The following AHRR variants were observed in gnomAD, a reference collection of about 807,000 sequenced individuals.
AHRR encodes the protein aryl hydrocarbon receptor repressor.
In AHRR, 28 loss-of-function variants were observed where a neutral mutation model predicts 44.0. That is an observed-to-expected ratio of 0.64 (90% CI 0.47 to 0.87). The LOEUF is 0.87. Among genes scored for constraint, AHRR ranks in the 40% least tolerant of loss-of-function variants. AHRR has a pLI of 0.00. For synonymous variants in AHRR, 434 were observed against 407.0 expected (o/e 1.07, Z -0.80); for missense variants, 990 against 953.9 (o/e 1.04, Z -0.50).
At chr5:390,399 G>A (rs1292132032) in intron 4 of AHRR, among the ~76,000 whole-genome samples, 1 of 152,200 alleles carries the variant, frequency 6.6e-6, no homozygotes, top group African/African-American at 2.4e-5. Flanking sequence ...GATCCTCGGA[G>A]ACCAGTGAAA....
chr5:361,767 G>A (rs1198932289), intron 3 of AHRR, among the ~76,000 whole-genome samples: 1 of 152,212 alleles, frequency 6.6e-6, no homozygotes, highest in Non-Finnish European at 1.5e-5. Context: ...AGAAGGACGT[G>A]GCTTGTCTGG....
Position 427,517 on chromosome 5 carries a change from C to T in AHRR, c.709-290C>T, listed in dbSNP as rs538817872. ...TTCGTGCCACCTGCGCATGGGGTGG[C>T]ACACATGAACAGGCACACACGCGGG... On this transcript the variant is annotated intron_variant, in intron 7 of 10. Transcript: ENST00000684583. 11 of 1,235,908 alleles carry T rather than the reference C, an allele frequency of 8.9e-6. No homozygotes were observed. In the African/African-American group the frequency reaches 1.5e-4, roughly 17 times the overall value. 76.6% of individuals were successfully genotyped at this position (1,235,908 alleles called of 1,614,324 possible).
chr5:374,809 G>T (rs1438651495), intron 3 of AHRR, among the ~76,000 whole-genome samples: 2 of 152,240 alleles, frequency 1.3e-5, no homozygotes. Context: ...TGAATCAATG[G>T]CTCCCAGTAT....
At chr5:423,587 A>G (rs1393671463) in intron 6 of AHRR, among the ~76,000 whole-genome samples, 1 of 152,258 alleles carries the variant, frequency 6.6e-6, no homozygotes, top group African/African-American at 2.4e-5. Flanking sequence ...CCTTCTGTAA[A>G]GCTAAAAACA....
chr5:397,633 G>A (rs1734791577), intron 4 of AHRR, among the ~76,000 whole-genome samples: 1 of 77,838 alleles, frequency 1.3e-5, no homozygotes, highest in East Asian at 4.4e-4. Context: ...GTTAGCCCCT[G>A]ACCATCCACA....
intron 4 of AHRR, among the ~76,000 whole-genome samples, chr5:401,653 C>T (rs753255685): frequency 3.3e-5 from 5 of 152,224 alleles, no homozygotes; most frequent in South Asian, 2.1e-4. Flanking sequence ...CTGGCACCAT[C>T]GTTCCACAGG....
chr5:428,005 A>G lies in AHRR; in HGVS notation c.907A>G (p.Lys303Glu), dbSNP rs757356238. Reference protein sequence around the residue: ...RADTAATADAKVKATTSLCES... With the variant: ...RADTAATADAEVKATTSLCES... The stretch of plus-strand genomic sequence containing the variant: ...AGACACCGCAGCCACCGCGGATGCA[A>G]AGTGAGTAAGACTCGCCCTTCACAG... Residue 303 changes from lysine (K) to glutamate (E), a missense_variant and splice_region_variant, in exon 8 of 11, where the codon AAA becomes GAA. Physicochemically the swap from Lys to Glu is moderately conservative, Grantham distance 56. Transcript: ENST00000684583. 3.7e-6 allele frequency: 6 copies of G among 1,613,606 alleles called. No individual in the cohort carries two copies. The South Asian group carries it at 4.4e-5, about 12-fold the overall frequency.
Position 340,664 on chromosome 5 carries a change from T to TTATATATA in AHRR, c.-10-3211_-10-3204dup, listed in dbSNP as rs201426173. Among the ~76,000 whole-genome samples, 16 of 31,958 alleles carry TTATATATA rather than the reference T, an allele frequency of 5.0e-4. 2 individuals carry two copies. Among genetic ancestry groups the TTATATATA allele is most frequent in the African/African-American group, 1.5e-3 (7 of 4,528 alleles). The allele number at this position is 31,958 out of a possible 152,430, so 21.0% of individuals were successfully genotyped here. ...GGACGCAATTATGTTCACAGCAATA[T>TTATATATA]TATATATATATATATATATATATAT... On this transcript the variant is annotated intron_variant, in intron 1 of 10. Coordinates refer to ENST00000684583, the MANE Select transcript of AHRR (RefSeq NM_001377236.1).
chr5:397,317 T>C (rs1186804662), intron 4 of AHRR, among the ~76,000 whole-genome samples: 1 of 123,772 alleles, frequency 8.1e-6, no homozygotes, highest in African/African-American at 2.9e-5. Flanking sequence ...CCATCCCTGT[T>C]AGCCCCTGAC....
At chr5:421,131 A>C (rs1290512498) in intron 5 of AHRR, 1 of 559,676 alleles carries the variant, frequency 1.8e-6, no homozygotes, top group African/African-American at 2.0e-5. Flanking sequence ...TTCGCGCCTT[A>C]ACTGGAAGAG....
rs147162429 is a variant in AHRR at position 398,368 on chromosome 5, C to T, written c.352-14976C>T. On this transcript the variant is annotated intron_variant, in intron 4 of 10. Transcript: ENST00000684583. ...CCGTACACCTTAGCCCCTGATTGTC[C>T]GCATTAGCCCCGACTGTCTGGTTAG... is the stretch of plus-strand genomic sequence containing the variant. Among the ~76,000 whole-genome samples the T allele has an allele frequency of 2.1e-3, 323 of 152,086 alleles. 1 individual carries two copies. Among genetic ancestry groups the T allele is most frequent in the African/African-American group, 7.5e-3 (309 of 41,466 alleles).
chr5:424,994 C>T (rs758994150), intron 7 of AHRR, among the ~76,000 whole-genome samples: 1 of 152,214 alleles, frequency 6.6e-6, no homozygotes, highest in South Asian at 2.1e-4. Flanking sequence ...CCAGTGGTGG[C>T]CCTTGCTGTC....
At chr5:376,551 A>ACTG (rs1733684393) in intron 3 of AHRR, 59 bp from the exon 4 acceptor site, 23 of 1,403,552 alleles carry the variant, frequency 1.6e-5, no homozygotes, top group Non-Finnish European at 1.6e-5. Context: ...GATGTGAATG[A>ACTG]AGAAGAGTGG....
chr5:427,913 C>T lies in AHRR; in HGVS notation c.815C>T (p.Pro272Leu). 1 of 1,614,128 alleles carries T rather than the reference C, an allele frequency of 6.2e-7. No individual in the cohort carries two copies. Among genetic ancestry groups the T allele is most frequent in the Non-Finnish European group, 8.5e-7 (1 of 1,180,036 alleles). The change falls in exon 8 of 11, where the codon CCC (proline) becomes CTC (leucine). Residue 272 changes from proline to leucine, a missense_variant. By Grantham distance (98) the Pro-to-Leu change is moderately conservative (BLOSUM62 -3). Transcript: ENST00000684583. ...PRLSLFCIAA[P>L]VLLPSAAEMK... ...CTGTCGCTGTTCTGCATTGCGGCAC[C>T]CGTTCTCCTCCCCTCCGCAGCGGAG...
chr5:351,530 C>T (rs1742857923), intron 2 of AHRR, among the ~76,000 whole-genome samples: 1 of 152,174 alleles, frequency 6.6e-6, no homozygotes, highest in African/African-American at 2.4e-5. Flanking sequence ...TCCATTTCTA[C>T]CACATGCCTT....
rs1024207449 is a variant in AHRR, at chr5:360,426, T to C, written c.244+6515T>C. 3.9e-5 allele frequency among the ~76,000 whole-genome samples: 6 copies of C among 152,326 alleles called. No homozygotes were observed. In the East Asian group the frequency reaches 1.2e-3, roughly 29 times the overall value. On this transcript the variant is annotated intron_variant, in intron 3 of 10. Transcript: ENST00000684583. ...GAGAAGTGGGGTGCCCTGCACTACATGCCACATACCTAAGAATGTGGAAGT... is the reference window on the plus strand; with the variant it reads ...GAGAAGTGGGGTGCCCTGCACTACACGCCACATACCTAAGAATGTGGAAGT...
chr5:404,059 T>C lies in AHRR; in HGVS notation c.352-9285T>C, dbSNP rs970919712. 7.1e-6 allele frequency: 5 copies of C among 701,450 alleles called. No individual in the cohort carries two copies. Among genetic ancestry groups the C allele is most frequent in the Admixed American group, 2.1e-5 (1 of 48,212 alleles). 43.5% of individuals were successfully genotyped at this position (701,450 alleles called of 1,614,324 possible). ...CTGTTTAGTCTTTGCATCCAAATCA[T>C]GTTGTCCAGCGTTTGAAGAAAAAGT... On this transcript the variant is annotated intron_variant, in intron 4 of 10. Transcript: ENST00000684583. This position sits in a 1 kb window ranked among gnomAD's most constrained non-coding sequence, Gnocchi z 4.1.
At chr5:391,206 C>T (rs1734400303) in intron 4 of AHRR, among the ~76,000 whole-genome samples, 1 of 152,264 alleles carries the variant, frequency 6.6e-6, no homozygotes, top group African/African-American at 2.4e-5. Flanking sequence ...GCCAACAGGG[C>T]TGCTCAGGCA....
chr5:434,201 C>A lies in AHRR; in HGVS notation c.1461C>A (p.Ser487Arg). Residue 487 changes from serine to arginine, a missense_variant, in exon 11 of 11, where the codon AGC becomes AGA. Ser to Arg is a moderately radical substitution (Grantham distance 110). Transcript: ENST00000684583. Reference sequence around the variant, plus strand: ...CCCTCTGCCACTTTCCCCAGAGGAGCCTGCAGCACCAGCTCCCTCAGCCTG... The same window carrying A: ...CCCTCTGCCACTTTCCCCAGAGGAGACTGCAGCACCAGCTCCCTCAGCCTG... Reference protein sequence around the residue: ...HPPLCHFPQRSLQHQLPQPGA... With the variant: ...HPPLCHFPQRRLQHQLPQPGA... 1 of 1,590,214 alleles carries A rather than the reference C, an allele frequency of 6.3e-7. No individual in the cohort carries two copies. Among genetic ancestry groups the A allele is most frequent in the Non-Finnish European group, 8.6e-7 (1 of 1,168,384 alleles).
Sources: allele counts gnomAD v4.1 joint callset (sites outside exome capture counted in the v4.1 genomes callset), GRCh38; gene constraint gnomAD v4.1.1; non-coding constraint Gnocchi (gnomAD v3.1); transcripts MANE v1.5; gene names NCBI Gene and HGNC (gene_info 2026-07-23, HGNC 2026-07-21).